CFAP47: variants seen among roughly 807,000 people sequenced by gnomAD.
CFAP47 encodes the protein cilia- and flagella-associated protein 47.
A neutral mutation model predicts 148.1 loss-of-function variants in CFAP47; 29 were observed. That is an observed-to-expected ratio of 0.20 (90% CI 0.15 to 0.27). The LOEUF (loss-of-function observed/expected upper bound fraction) is 0.27, where lower values mean the gene tolerates loss of function less well. Ranked by LOEUF, CFAP47 falls within the 10% of genes least tolerant of loss-of-function variation. The pLI is 1.00. For missense variants in CFAP47, 1,872 were observed against 1,697.5 expected, an observed-to-expected ratio of 1.10 and a Z score of -1.81; for synonymous variants, 664 against 577.3, an observed-to-expected ratio of 1.15 and a Z score of -2.15.
Position 36,084,468 on chromosome X carries a change from C to G in CFAP47, c.4692-846C>G, listed in dbSNP as rs1423284060. ...TATTTTGAGCAGTGGTAGTCTATTT[C>G]TTGCCCAGTGGAACGTATTTTCTTC... is the stretch of plus-strand genomic sequence containing the variant. On this transcript the variant is annotated intron_variant, in intron 29 of 63. Transcript: ENST00000378653. 5.4e-5 allele frequency among the ~76,000 whole-genome samples: 6 copies of G among 111,469 alleles called. No individual in the cohort carries two copies. In the East Asian group the frequency reaches 1.4e-3, roughly 26 times the overall value.
At position 35,951,793 on chromosome X, in the gene CFAP47, T is replaced by C. The variant is rs766167088; in HGVS notation, c.886-10T>C. 2 of 1,086,721 alleles carry C rather than the reference T, an allele frequency of 1.8e-6. No homozygotes were observed. The highest frequency in any genetic ancestry group is 1.2e-6 in the Non-Finnish European group (1 of 837,679). The allele number at this position is 1,086,721 out of a possible 1,213,427, so 89.6% of individuals were successfully genotyped here. A position where few individuals can be genotyped will look rare whatever the true frequency, so the allele number is the denominator to read the frequency against. The stretch of plus-strand genomic sequence containing the variant: ...CTTAATACTCTTTTATATCTGACTT[T>C]ATATTACAGGGTACAGATATTCAAC... On this transcript the variant is annotated splice_polypyrimidine_tract_variant and intron_variant, in intron 5 of 63. Transcript: ENST00000378653.
intron 13 of CFAP47, 66 bp downstream of exon 13, chrX:35,972,031 A>G: frequency 5.6e-6 from 4 of 713,661 alleles, no homozygotes; most frequent in Non-Finnish European, 8.2e-6. Context: ...CTTAAAGTGT[A>G]ATTTATATTT....
chrX:36,265,281 C>A (rs183105178), intron 49 of CFAP47, among the ~76,000 whole-genome samples: 1 of 112,091 alleles, frequency 8.9e-6, no homozygotes, highest in Non-Finnish European at 1.9e-5. Flanking sequence ...TTACTGAAGT[C>A]ATTTATCAGT....
chrX:36,215,875 TCC>T (rs1461349208), intron 45 of CFAP47, among the ~76,000 whole-genome samples: 1 of 111,714 alleles, frequency 9.0e-6, no homozygotes, highest in Non-Finnish European at 1.9e-5. Context: ...GATGGCCCTC[TCC>T]GGGGGAGGTC....
chrX:36,131,169 T>C (rs1938941342), intron 33 of CFAP47, among the ~76,000 whole-genome samples: 1 of 110,951 alleles, frequency 9.0e-6, no homozygotes, highest in African/African-American at 3.3e-5. Context: ...AAACATCTCA[T>C]GTACCCCATA....
chrX:36,071,706 A>T, intron 27 of CFAP47, 119 bp from the exon 28 acceptor site: 2 of 556,200 alleles, frequency 3.6e-6, no homozygotes, highest in Non-Finnish European at 5.5e-6. Flanking sequence ...TCATAGATAG[A>T]TGGATACATA....
rs1018374623 is a variant in CFAP47, at chrX:36,342,869, G to A, written c.8444-5260G>A. Among the ~76,000 whole-genome samples the A allele has an allele frequency of 8.1e-5, 9 of 111,091 alleles. No homozygotes were observed. In the Admixed American group the frequency reaches 8.7e-4, roughly 11 times the overall value. ...GGTTTGTTACATAGGTATACATGTGGCGTGATGTGGTGGTTTGCTGCACCT... is the reference window on the plus strand; with the variant it reads ...GGTTTGTTACATAGGTATACATGTGACGTGATGTGGTGGTTTGCTGCACCT... On this transcript the variant is annotated intron_variant, in intron 57 of 63. Coordinates refer to ENST00000378653, the MANE Select transcript of CFAP47 (RefSeq NM_001304548.2).
At chrX:36,100,491 A>C (rs749695722) in intron 32 of CFAP47, among the ~76,000 whole-genome samples, 9 of 112,225 alleles carry the variant, frequency 8.0e-5, no homozygotes, top group African/African-American at 2.9e-4. Flanking sequence ...TTATACCTCT[A>C]TACTCTGTAC....
intron 52 of CFAP47, 130 bp from the exon 53 acceptor site, chrX:36,300,942 G>T: frequency 2.4e-6 from 1 of 424,062 alleles, no homozygotes; most frequent in Middle Eastern, 5.8e-4. Flanking sequence ...AGTAGTATGT[G>T]TTACAGAGTA....
chrX:35,998,473 A>G (rs1601923567), intron 19 of CFAP47, among the ~76,000 whole-genome samples: 1 of 111,365 alleles, frequency 9.0e-6, no homozygotes, highest in Admixed American at 9.6e-5. Flanking sequence ...AGCAGTTGTC[A>G]TATTATTTTG....
intron 37 of CFAP47, among the ~76,000 whole-genome samples, chrX:36,156,874 A>G (rs1336591596): frequency 1.8e-5 from 2 of 111,064 alleles, no homozygotes; most frequent in African/African-American, 6.5e-5. Context: ...TGTTCATGGA[A>G]CCAGCTATTT....
At chrX:36,085,091 A>G (rs1938055526) in intron 29 of CFAP47, among the ~76,000 whole-genome samples, 1 of 111,347 alleles carries the variant, frequency 9.0e-6, no homozygotes, top group Non-Finnish European at 1.9e-5. Context: ...CAGTTGCAAC[A>G]TTAGATAATT....
At chrX:36,344,599 G>A (rs937517213) in intron 57 of CFAP47, among the ~76,000 whole-genome samples, 3 of 111,683 alleles carry the variant, frequency 2.7e-5, no homozygotes, top group Non-Finnish European at 3.8e-5. Context: ...CAATTTAAAC[G>A]TTAAAAGAAA....
At chrX:36,218,928 A>C (rs1247187613) in intron 45 of CFAP47, among the ~76,000 whole-genome samples, 1 of 112,000 alleles carries the variant, frequency 8.9e-6, no homozygotes, top group Admixed American at 9.5e-5. Context: ...GCAGTCCTGG[A>C]AATCTGCTTG....
At chrX:36,037,276 A>G (rs1366420936) in intron 24 of CFAP47, among the ~76,000 whole-genome samples, 1 of 111,691 alleles carries the variant, frequency 9.0e-6, no homozygotes, top group Non-Finnish European at 1.9e-5. Flanking sequence ...TTTTCTTTCA[A>G]TATGCGCTGG....
chrX:36,158,206 C>T (rs1473086318), intron 37 of CFAP47, among the ~76,000 whole-genome samples: 3 of 111,981 alleles, frequency 2.7e-5, no homozygotes, highest in Non-Finnish European at 3.8e-5. Context: ...TAAATATGTG[C>T]ATTCTAAGCG....
intron 33 of CFAP47, among the ~76,000 whole-genome samples, chrX:36,117,223 G>A (rs1001243585): frequency 9.0e-6 from 1 of 111,692 alleles, no homozygotes; most frequent in African/African-American, 3.3e-5. Flanking sequence ...ATGGGAGTGC[G>A]GATATCTCTT....
intron 54 of CFAP47, among the ~76,000 whole-genome samples, chrX:36,304,161 C>A (rs1421787414): frequency 9.0e-6 from 1 of 111,269 alleles, no homozygotes; most frequent in African/African-American, 3.3e-5. Context: ...GCGGGCAGAT[C>A]ACTTGAGGCC....
intron 48 of CFAP47, among the ~76,000 whole-genome samples, chrX:36,251,021 A>G (rs1280568121): frequency 1.8e-5 from 2 of 111,474 alleles, no homozygotes; most frequent in African/African-American, 6.5e-5. Flanking sequence ...ATGGTTGATG[A>G]GAGCTATTCA....
Sources: allele counts gnomAD v4.1 joint callset (sites outside exome capture counted in the v4.1 genomes callset), GRCh38; gene constraint gnomAD v4.1.1; transcripts MANE v1.5; gene names NCBI Gene and HGNC (gene_info 2026-07-23, HGNC 2026-07-21).